Variants in COL1A2 observed in about 807,000 individuals in gnomAD.
COL1A2 encodes the protein collagen type I alpha 2 chain.
Under a neutral mutation model 174.3 loss-of-function variants are expected in COL1A2, and 49 were observed. The observed-to-expected ratio is 0.28, with a 90% CI of 0.22 to 0.36. The LOEUF (loss-of-function observed/expected upper bound fraction) is 0.36, where lower values mean the gene tolerates loss of function less well. Ranked by LOEUF, COL1A2 falls within the 10% of genes least tolerant of loss-of-function variation. The pLI is 1.00. For missense variants in COL1A2, 1,438 were observed against 1,822.7 expected (o/e 0.79, Z 3.84); for synonymous variants, 655 against 606.6 (o/e 1.08, Z -1.17).
In COL1A2 at chr7:94,401,543, A is replaced by AT. The variant is rs747347938; in HGVS notation, c.226-24_226-23insT. The AT allele has an allele frequency of 2.7e-5, 31 of 1,140,334 alleles. No individual in the cohort carries two copies. The African/African-American group carries it at 3.9e-4, about 14-fold the overall frequency. 70.6% of individuals were successfully genotyped at this position (1,140,334 alleles called of 1,614,324 possible). On this transcript the variant is annotated intron_variant, in intron 5 of 51. Transcript: ENST00000297268. ...CTAAAAATATTTTATATATATATAT[A>AT]ATTTTTTTTTTTTACTTCTCTAGAA...
intron 45 of COL1A2, 72 bp from the exon 46 acceptor site, chr7:94,426,351 C>A: frequency 3.1e-6 from 4 of 1,300,436 alleles, no homozygotes; most frequent in Non-Finnish European, 4.4e-6. Flanking sequence ...ACGAATTAAG[C>A]AGTATTTGTG....
chr7:94,405,668 C>G lies in COL1A2; in HGVS notation c.487-5C>G. On this transcript the variant is annotated splice_polypyrimidine_tract_variant and splice_region_variant and intron_variant, in intron 10 of 51. Coordinates refer to ENST00000297268, the MANE Select transcript of COL1A2 (RefSeq NM_000089.4). ...TATTCACCATCTTCTGTATTTCTTTCTAAGGGTGCTCGTGGTTTCCCTGGA... is the reference window on the plus strand; with the variant it reads ...TATTCACCATCTTCTGTATTTCTTTGTAAGGGTGCTCGTGGTTTCCCTGGA... 1 of 1,610,834 alleles carries G rather than the reference C, an allele frequency of 6.2e-7. No individual in the cohort carries two copies. Among genetic ancestry groups the G allele is most frequent in the Non-Finnish European group, 8.5e-7 (1 of 1,177,080 alleles).
At chr7:94,424,883 G>A (rs1472282665) in intron 41 of COL1A2, 20 of 561,254 alleles carry the variant, frequency 3.6e-5, no homozygotes, top group Admixed American at 1.2e-4. Flanking sequence ...TGAATGACAC[G>A]AGGCTCACTT....
At position 94,421,939 on chromosome 7, in the gene COL1A2, C is replaced by G. The variant is rs1270037495; in HGVS notation, c.2390C>G (p.Pro797Arg). The change falls in exon 39 of 52, where the codon CCC becomes CGC. Residue 797 changes from proline to arginine, a missense_variant. Around this residue, in one of 3 missense-constraint regions of COL1A2, gnomAD observed 867 missense variants for 1,213.7 expected, o/e 0.71. Transcript: ENST00000297268. Reference protein sequence around the residue: ...GFPGAAGRTGPPGPSGISGPP... With the variant: ...GFPGAAGRTGRPGPSGISGPP... ...CCTGGTGCTGCTGGACGGACTGGTC[C>G]CCCAGGACCCTCTGTAAGTAAATCA... 6.2e-7 allele frequency: 1 copy of G among 1,613,976 alleles called. No homozygotes were observed. The highest frequency in any genetic ancestry group is 1.7e-5 in the Admixed American group (1 of 60,012).
At chr7:94,404,666 G>C (rs1430360498) in intron 7 of COL1A2, 27 bp from the exon 8 acceptor site, 9 of 1,614,038 alleles carry the variant, frequency 5.6e-6, no homozygotes, top group Non-Finnish European at 6.8e-6. Flanking sequence ...TAAAGGCTTG[G>C]AGTATGACAT....
intron 30 of COL1A2, 37 bp from the exon 31 acceptor site, chr7:94,416,368 T>A: frequency 6.6e-7 from 1 of 1,511,394 alleles, no homozygotes; most frequent in Non-Finnish European, 9.0e-7. Flanking sequence ...CTGAAAGTGA[T>A]GAATGGTGCA....
In COL1A2 at chr7:94,410,226, C is replaced by T. The variant is rs1485210175; in HGVS notation, c.1036-16C>T. 1.7e-5 allele frequency: 28 copies of T among 1,613,052 alleles called. No homozygotes were observed. The highest frequency in any genetic ancestry group is 2.3e-5 in the Non-Finnish European group (27 of 1,179,810). ...AAATGTTTGTCCTTTGACCACTGTTCTGTATTGAACCCTAGGGTGAGCCTG... is the reference window on the plus strand; with the variant it reads ...AAATGTTTGTCCTTTGACCACTGTTTTGTATTGAACCCTAGGGTGAGCCTG... On this transcript the variant is annotated splice_polypyrimidine_tract_variant and intron_variant, in intron 19 of 51. Transcript: ENST00000297268.
intron 51 of COL1A2, chr7:94,429,883 A>G (rs1792363790): frequency 3.6e-6 from 1 of 275,018 alleles, no homozygotes; most frequent in Admixed American, 4.9e-5. Context: ...AAGAAAAATT[A>G]AAATTCACTA....
chr7:94,418,537 C>A lies in COL1A2; in HGVS notation c.2010C>A (p.Gly670=), dbSNP rs771671240. The A allele has an allele frequency of 1.2e-6, 2 of 1,613,854 alleles. No individual in the cohort carries two copies. The highest frequency in any genetic ancestry group is 1.1e-5 in the South Asian group (1 of 91,052). The change falls in exon 33 of 52, where the codon GGC becomes GGA. Residue 670 remains glycine (G), a synonymous_variant. Coordinates refer to ENST00000297268, the MANE Select transcript of COL1A2 (RefSeq NM_000089.4). ...TCAGAGGTGAAATTGGTAACCCTGG[C>A]AGAGATGGTGCTCGTGTGAGTAGAA... ...PGLRGEIGNP[G]RDGARGAPGA...
intron 30 of COL1A2, among the ~76,000 whole-genome samples, chr7:94,415,641 C>T (rs949154600): frequency 6.6e-6 from 1 of 151,902 alleles, no homozygotes; most frequent in East Asian, 1.9e-4. Flanking sequence ...AGCCTAAAGC[C>T]GAACTTATGA....
At chr7:94,413,651 T>A (rs1381984993) in intron 26 of COL1A2, 39 bp from the exon 27 acceptor site, 1 of 1,601,694 alleles carries the variant, frequency 6.2e-7, no homozygotes, top group Admixed American at 1.7e-5. Context: ...ACTACCTGGC[T>A]TGCAGCTAAC....
chr7:94,416,766 C>A (rs142140893), intron 31 of COL1A2: 2 of 477,496 alleles, frequency 4.2e-6, no homozygotes, highest in Non-Finnish European at 7.5e-6. Flanking sequence ...TTTCTCCTCA[C>A]GCTGTTTATG....
chr7:94,430,096 C>G (rs1792367596), intron 51 of COL1A2, 151 bp from the exon 52 acceptor site: 1 of 774,960 alleles, frequency 1.3e-6, no homozygotes, highest in South Asian at 1.6e-5. Context: ...ACCCTTGATA[C>G]TGTTATTTCA....
Position 94,412,236 on chromosome 7 carries a change from C to T in COL1A2, c.1404+115C>T, listed in dbSNP as rs148824193. Reference sequence around the variant, plus strand: ...ATTGAAAATAAATATCAGACACATACATCATCTGGGAATGCAGAGTAATAG... The same window carrying T: ...ATTGAAAATAAATATCAGACACATATATCATCTGGGAATGCAGAGTAATAG... On this transcript the variant is annotated intron_variant, in intron 24 of 51. Coordinates refer to ENST00000297268, the MANE Select transcript of COL1A2 (RefSeq NM_000089.4). 1.1e-4 allele frequency: 101 copies of T among 895,980 alleles called. No homozygotes were observed. The African/African-American group carries it at 1.3e-3, about 11-fold the overall frequency. 55.5% of individuals were successfully genotyped at this position (895,980 alleles called of 1,614,324 possible). A position where few individuals can be genotyped will look rare whatever the true frequency, so the allele number is the denominator to read the frequency against.
Position 94,414,274 on chromosome 7 carries a change from G to A in COL1A2, c.1718G>A (p.Arg573Lys). Residue 573 changes from arginine (R) to lysine (K), a missense_variant and splice_region_variant, in exon 29 of 52, where the codon AGG becomes AAG. This residue lies in a region of COL1A2 where 867 missense variants were observed against 1,213.7 expected (regional missense o/e 0.71). Coordinates refer to ENST00000297268, the MANE Select transcript of COL1A2 (RefSeq NM_000089.4). ...GGTGAAGTTGGCAAACCAGGAGAAAGGGTGAGTAAAACAAGTAATAGTAAG... is the reference window on the plus strand; with the variant it reads ...GGTGAAGTTGGCAAACCAGGAGAAAAGGTGAGTAAAACAAGTAATAGTAAG... ...PAGEVGKPGE[R>K]GLHGEFGLPG... The A allele has an allele frequency of 6.2e-7, 1 of 1,614,064 alleles. No homozygotes were observed. Among genetic ancestry groups the A allele is most frequent in the Non-Finnish European group, 8.5e-7 (1 of 1,179,934 alleles).
chr7:94,411,013 A>G (rs1584320344), intron 22 of COL1A2, 43 bp from the exon 23 acceptor site: 1 of 1,600,196 alleles, frequency 6.2e-7, no homozygotes, highest in Non-Finnish European at 8.5e-7. Flanking sequence ...CATTAGCTTT[A>G]GCATCCTCCT....
At chr7:94,426,199 G>C in intron 45 of COL1A2, 148 bp downstream of exon 45, 3 of 881,838 alleles carry the variant, frequency 3.4e-6, no homozygotes, top group Non-Finnish European at 5.5e-6. Flanking sequence ...CAAATAACTT[G>C]AGCTATTTTA....
chr7:94,417,485 AG>A, intron 31 of COL1A2: 1 of 513,672 alleles, frequency 1.9e-6, no homozygotes, highest in South Asian at 2.0e-5. Flanking sequence ...GGACTGAAGC[AG>A]GTTATAGAGG....
Position 94,427,815 on chromosome 7 carries a change from T to C in COL1A2, c.3456T>C (p.Pro1152=), listed in dbSNP as rs759655291. The change falls in exon 49 of 52, where the codon CCT becomes CCC. Residue 1152 remains proline (P), a synonymous_variant. Transcript: ENST00000297268. ...ACCAGATTGAGACCCTTCTTACTCC[T>C]GAAGGCTCTAGAAAGAACCCAGCTC... ...LNNQIETLLT[P]EGSRKNPART... 1.9e-6 allele frequency: 3 copies of C among 1,614,090 alleles called. No individual in the cohort carries two copies. Among genetic ancestry groups the C allele is most frequent in the Non-Finnish European group, 2.5e-6 (3 of 1,179,950 alleles).
Sources: gnomAD v4.1 joint callset for allele counts (sites outside exome capture counted in the v4.1 genomes callset) on GRCh38, gnomAD v4.1.1 for gene constraint, gnomAD v4.1.1 regional missense constraint, MANE v1.5 for transcripts, NCBI Gene and HGNC (gene_info 2026-07-23, HGNC 2026-07-21) for gene names.